Variants in RGS6 observed in about 807,000 individuals in gnomAD.
RGS6 encodes regulator of G-protein signaling 6.
Under a neutral mutation model 78.5 loss-of-function variants are expected in RGS6, and 30 were observed. The ratio of observed to expected loss-of-function variants is 0.38; its 90% CI spans 0.29 to 0.52. RGS6 has a LOEUF of 0.52. Among genes scored for constraint, RGS6 ranks in the 20% least tolerant of loss-of-function variants. The pLI is 0.85. For synonymous variants in RGS6, 206 were observed against 206.0 expected, an observed-to-expected ratio of 1.00 and a Z score of 0.00; for missense variants, 495 against 609.7, an observed-to-expected ratio of 0.81 and a Z score of 1.98.
At position 72,193,720 on chromosome 14, in the gene RGS6, G is replaced by A. The variant is rs575741738; in HGVS notation, c.85-158375G>A. Among the ~76,000 whole-genome samples the A allele has an allele frequency of 1.3e-3, 192 of 152,322 alleles. 1 individual carries two copies. The highest frequency in any genetic ancestry group is 6.8e-3 in the Middle Eastern group (2 of 294). On this transcript the variant is annotated intron_variant, in intron 2 of 17. Coordinates refer to ENST00000553525, the MANE Select transcript of RGS6 (RefSeq NM_001204424.2). ...GGTAGCCAAGGAAAGCCTTGCAAACGAGGTGACATTTGAGCAGAGACATGA... is the reference window on the plus strand; with the variant it reads ...GGTAGCCAAGGAAAGCCTTGCAAACAAGGTGACATTTGAGCAGAGACATGA...
In RGS6 at chr14:71,975,985, G is replaced by C. The variant is rs2094103071; in HGVS notation, c.84+11110G>C. Among the ~76,000 whole-genome samples, 4 of 151,990 alleles carry C rather than the reference G, an allele frequency of 2.6e-5. No individual in the cohort carries two copies. The South Asian group carries it at 6.2e-4, about 24-fold the overall frequency. On this transcript the variant is annotated intron_variant, in intron 2 of 17. Transcript: ENST00000553525. ...CACTAATTCTCTCTTCAATATATTA[G>C]ATAATCTGTGGTTAAAGTCATCCCA...
rs188630808 is a variant in RGS6 at position 72,345,519 on chromosome 14, G to A, written c.85-6576G>A. On this transcript the variant is annotated intron_variant, in intron 2 of 17. Transcript: ENST00000553525. The stretch of plus-strand genomic sequence containing the variant: ...AGCCTTTGAATGGGATGATAAAAGA[G>A]GGTTGGAAAGAAGAAGGGAGCCGTG... Among the ~76,000 whole-genome samples, 319 of 152,302 alleles carry A rather than the reference G, an allele frequency of 2.1e-3. 2 individuals carry two copies. The highest frequency in any genetic ancestry group is 7.4e-3 in the African/African-American group (306 of 41,566).
intron 2 of RGS6, among the ~76,000 whole-genome samples, chr14:72,261,607 C>T (rs537491037): frequency 1.3e-5 from 2 of 152,176 alleles, no homozygotes; most frequent in Admixed American, 1.3e-4. Flanking sequence ...AAAAAAGATT[C>T]TTAAATCCCC....
intron 2 of RGS6, among the ~76,000 whole-genome samples, chr14:72,329,845 G>A (rs1358026056): frequency 2.0e-5 from 3 of 152,086 alleles, no homozygotes; most frequent in Non-Finnish European, 2.9e-5. Flanking sequence ...TCCTAGATGG[G>A]GCCCTGAGAA....
rs377153400 is a variant in RGS6 at position 72,348,841 on chromosome 14, G to A, written c.85-3254G>A. ...TGTTGTATCATAACTTTGCTGTAGA[G>A]CAAACCACTTCAAACTTAGTGATCT... On this transcript the variant is annotated intron_variant, in intron 2 of 17. Coordinates refer to ENST00000553525, the MANE Select transcript of RGS6 (RefSeq NM_001204424.2). 2.3e-4 allele frequency among the ~76,000 whole-genome samples: 35 copies of A among 152,254 alleles called. 1 individual carries two copies. The South Asian group carries it at 6.4e-3, about 28-fold the overall frequency.
intron 2 of RGS6, among the ~76,000 whole-genome samples, chr14:72,277,103 G>C (rs187925824): frequency 4.6e-5 from 7 of 152,344 alleles, no homozygotes; most frequent in Non-Finnish European, 8.8e-5. Context: ...CAGTGTCCCA[G>C]AGTCCACTTT....
chr14:72,162,557 G>T (rs1307160951), intron 2 of RGS6, among the ~76,000 whole-genome samples: 1 of 152,188 alleles, frequency 6.6e-6, no homozygotes, highest in African/African-American at 2.4e-5. Context: ...CCAGGCAACT[G>T]TAAGACAGCG....
chr14:72,282,198 G>C (rs1265470848), intron 2 of RGS6, among the ~76,000 whole-genome samples: 1 of 152,168 alleles, frequency 6.6e-6, no homozygotes, highest in Admixed American at 6.5e-5. Flanking sequence ...AGCCGTGAGA[G>C]ATGGATGTGA....
At chr14:72,027,394 T>G (rs2090087280) in intron 2 of RGS6, among the ~76,000 whole-genome samples, 1 of 152,086 alleles carries the variant, frequency 6.6e-6, no homozygotes. Flanking sequence ...TACACACAAG[T>G]TTTGCAGTTA....
At chr14:72,301,531 G>C (rs2066059878) in intron 2 of RGS6, among the ~76,000 whole-genome samples, 1 of 151,962 alleles carries the variant, frequency 6.6e-6, no homozygotes, top group South Asian at 2.1e-4. Flanking sequence ...AACTATCCTG[G>C]TCAGAAGCTA....
intron 2 of RGS6, among the ~76,000 whole-genome samples, chr14:71,986,092 A>ACATTC (rs1006585694): frequency 6.6e-6 from 1 of 152,166 alleles, no homozygotes; most frequent in Non-Finnish European, 1.5e-5. Flanking sequence ...TAAATAAGTC[A>ACATTC]CATTCCATTT....
intron 2 of RGS6, among the ~76,000 whole-genome samples, chr14:72,110,858 C>T (rs1156720407): frequency 6.6e-6 from 1 of 152,142 alleles, no homozygotes; most frequent in African/African-American, 2.4e-5. Context: ...AATGAAGAAA[C>T]TGAACCACAC....
intron 2 of RGS6, among the ~76,000 whole-genome samples, chr14:72,091,072 G>A (rs1331558986): frequency 1.3e-5 from 2 of 152,152 alleles, no homozygotes; most frequent in African/African-American, 4.8e-5. Context: ...GGGTGAGAAA[G>A]TCAGTACCAG....
chr14:71,973,658 C>T (rs1001904407), intron 2 of RGS6, among the ~76,000 whole-genome samples: 4 of 152,224 alleles, frequency 2.6e-5, no homozygotes, highest in Non-Finnish European at 5.9e-5. Context: ...GCACTCCAGC[C>T]TGGGTGACAG....
the RGS6 span, among the ~76,000 whole-genome samples, chr14:71,876,911 A>G: frequency 1.3e-5 from 2 of 151,922 alleles, no homozygotes; most frequent in African/African-American, 4.8e-5. Context: ...TCTGTAAAGG[A>G]TTTTATTTCT....
intron 17 of RGS6, among the ~76,000 whole-genome samples, chr14:72,561,996 C>A (rs1160987418): frequency 1.3e-5 from 2 of 152,242 alleles, no homozygotes; most frequent in Admixed American, 1.3e-4. Context: ...TGGCCACCCT[C>A]TATTTGAGTC....
intron 2 of RGS6, among the ~76,000 whole-genome samples, chr14:71,973,153 C>T (rs1275075910): frequency 2.0e-5 from 3 of 152,156 alleles, no homozygotes; most frequent in African/African-American, 7.2e-5. Flanking sequence ...GCTGGGTGAT[C>T]TCTAAAGCAT....
rs1166318968 is a variant in RGS6 at position 71,932,929 on chromosome 14, T to G, written c.-33T>G. The G allele has an allele frequency of 6.6e-6, 1 of 152,308 alleles. No homozygotes were observed. The highest frequency in any genetic ancestry group is 1.5e-5 in the Non-Finnish European group (1 of 68,102). The allele number at this position is 152,308 out of a possible 1,614,324, so 9.4% of individuals were successfully genotyped here. On this transcript the variant is annotated 5_prime_UTR_variant, in exon 1 of 18. Coordinates refer to ENST00000553525, the MANE Select transcript of RGS6 (RefSeq NM_001204424.2). Reference sequence around the variant, plus strand: ...GCCAGAGGGAGAGTCAAGGCAATTCTTTGGTTGCTAAGGTAATTGTAGTTG... The same window carrying G: ...GCCAGAGGGAGAGTCAAGGCAATTCGTTGGTTGCTAAGGTAATTGTAGTTG...
intron 2 of RGS6, among the ~76,000 whole-genome samples, chr14:71,969,584 T>C (rs2093692845): frequency 6.6e-6 from 1 of 152,236 alleles, no homozygotes; most frequent in African/African-American, 2.4e-5. Context: ...AACTTCACTT[T>C]CCTGATTCTA....
Sources: allele counts gnomAD v4.1 joint callset (sites outside exome capture counted in the v4.1 genomes callset), GRCh38; gene constraint gnomAD v4.1.1; transcripts MANE v1.5; gene names NCBI Gene and HGNC (gene_info 2026-07-23, HGNC 2026-07-21).